The following SHBG variants were observed in gnomAD, a reference collection of about 807,000 sequenced individuals.
SHBG encodes sex hormone binding globulin, also known as sex hormone-binding globulin.
Under a neutral mutation model 41.9 loss-of-function variants are expected in SHBG, and 37 were observed. The ratio of observed to expected loss-of-function variants is 0.88; its 90% confidence interval spans 0.68 to 1.16. The LOEUF is 1.16. Among genes scored for constraint, SHBG ranks in the 50% most tolerant of loss-of-function variants. The pLI is 0.00. For synonymous variants in SHBG, 217 were observed against 205.8 expected (o/e 1.05, Z -0.47); for missense variants, 466 against 499.9 (o/e 0.93, Z 0.65).
rs1240533419 is a variant in SHBG at position 7,630,404 on chromosome 17, T to C, written c.112-12T>C. ...TCCCTACTCAGCTTTGTTTGTTTTC[T>C]CTTTCTGATAGAGTGCCCACGACCC... On this transcript the variant is annotated splice_polypyrimidine_tract_variant and intron_variant, in intron 1 of 7. Coordinates refer to ENST00000380450, the MANE Select transcript of SHBG (RefSeq NM_001040.5). This position sits in a 1 kb window ranked among gnomAD's most constrained non-coding sequence, Gnocchi z 4.6. 1 of 1,613,348 alleles carries C rather than the reference T, an allele frequency of 6.2e-7. No individual in the cohort carries two copies.
upstream of SHBG, among the ~76,000 whole-genome samples, chr17:7,629,091 G>A (rs909037526): frequency 1.3e-5 from 2 of 151,478 alleles, no homozygotes; most frequent in Non-Finnish European, 1.5e-5. Flanking sequence ...CGTCAGGGAG[G>A]GTCGGGCCTT....
chr17:7,632,950 G>C lies in SHBG; in HGVS notation c.1051G>C (p.Ala351Pro), dbSNP rs150060755. 28 of 1,613,062 alleles carry C rather than the reference G, an allele frequency of 1.7e-5. No individual in the cohort carries two copies. In the African/African-American group the frequency reaches 3.3e-4, roughly 19 times the overall value. ...GCCTCAAGGGCGTCTCTTCCTGGGG[G>C]CTTTACCAGGTAAGAGAGAATGATG... The part of the protein sequence containing the change: ...AKPQGRLFLG[A>P]LPGEDSSTSF... The change falls in exon 7 of 8, where the codon GCT (alanine) becomes CCT (proline). Residue 351 changes from alanine to proline, a missense_variant. Ala to Pro is a conservative substitution (Grantham distance 27, BLOSUM62 -1). Coordinates refer to ENST00000380450, the MANE Select transcript of SHBG (RefSeq NM_001040.5).
intron 1 of SHBG, chr17:7,614,371 C>G (rs1313266271): frequency 1.8e-5 from 19 of 1,055,648 alleles, no homozygotes; most frequent in Non-Finnish European, 2.6e-5. Context: ...GCTCCAGAAG[C>G]TCGATCCCGC....
upstream of SHBG, among the ~76,000 whole-genome samples, chr17:7,625,171 A>G (rs1018188997): frequency 6.1e-5 from 9 of 148,352 alleles, no homozygotes; most frequent in Non-Finnish European, 8.9e-5. Context: ...CTGCTCTTGA[A>G]CTCCTGACCT....
At chr17:7,616,048 T>C (rs1194775181) in intron 1 of SHBG, among the ~76,000 whole-genome samples, 2 of 151,846 alleles carry the variant, frequency 1.3e-5, no homozygotes, top group Non-Finnish European at 2.9e-5. Flanking sequence ...AGGCCTGTAA[T>C]CCCAGCACTT....
chr17:7,615,322 T>C (rs932915859), intron 1 of SHBG, among the ~76,000 whole-genome samples: 4 of 152,058 alleles, frequency 2.6e-5, no homozygotes, highest in African/African-American at 7.2e-5. Context: ...TTTGTCTTTC[T>C]TGGTGCGCAC....
At chr17:7,614,387 G>T in intron 1 of SHBG, 1 of 1,184,976 alleles carries the variant, frequency 8.4e-7, no homozygotes, top group Non-Finnish European at 1.2e-6. Context: ...CCCGCCCCAC[G>T]CGTTCCTGCT....
chr17:7,633,291 A>G lies in SHBG; in HGVS notation c.1148A>G (p.His383Arg). The change falls in exon 8 of 8, where the codon CAT becomes CGT. Residue 383 changes from histidine to arginine, a missense_variant. Physicochemically the swap from His to Arg is conservative, Grantham distance 29. Transcript: ENST00000380450. Reference protein sequence around the residue: ...LDVDQALNRSHEIWTHSCPQS... With the variant: ...LDVDQALNRSREIWTHSCPQS... ...GTGGACCAGGCCCTGAACAGAAGCC[A>G]TGAGATCTGGACTCACAGCTGCCCC... 6.2e-7 allele frequency: 1 copy of G among 1,614,180 alleles called. No individual in the cohort carries two copies. Among genetic ancestry groups the G allele is most frequent in the Non-Finnish European group, 8.5e-7 (1 of 1,180,002 alleles).
At chr17:7,631,564 G>C in intron 4 of SHBG, 25 bp from the exon 5 acceptor site, 1 of 1,613,456 alleles carries the variant, frequency 6.2e-7, no homozygotes, top group Non-Finnish European at 8.5e-7. Flanking sequence ...CTACATCCCC[G>C]TATCTTATCT....
chr17:7,630,751 A>G lies in SHBG; in HGVS notation c.275A>G (p.Lys92Arg), dbSNP rs1228947121. 1.2e-6 allele frequency: 2 copies of G among 1,614,132 alleles called. No homozygotes were observed. Among genetic ancestry groups the G allele is most frequent in the South Asian group, 2.2e-5 (2 of 91,082 alleles). Reference sequence around the variant, plus strand: ...ATTTTTTATGGGGATACCAACCCTAAGGATGACTGGTTTATGCTGGGACTT... The same window carrying G: ...ATTTTTTATGGGGATACCAACCCTAGGGATGACTGGTTTATGCTGGGACTT... ...GVIFYGDTNP[K>R]DDWFMLGLRD... Residue 92 changes from lysine to arginine, a missense_variant, in exon 3 of 8, where the codon AAG (lysine) becomes AGG (arginine). Physicochemically the swap from Lys to Arg is conservative, Grantham distance 26 (BLOSUM62 2). Transcript: ENST00000380450. The surrounding 1 kb of genome is among the most constrained non-coding windows in gnomAD (Gnocchi z 4.6).
At position 7,630,407 on chromosome 17, in the gene SHBG, T is replaced by C; in HGVS notation, c.112-9T>C. ...CTACTCAGCTTTGTTTGTTTTCTCT[T>C]TCTGATAGAGTGCCCACGACCCTCC... On this transcript the variant is annotated splice_polypyrimidine_tract_variant and intron_variant, in intron 1 of 7. Transcript: ENST00000380450. This position sits in a 1 kb window ranked among gnomAD's most constrained non-coding sequence, Gnocchi z 4.6. 1 of 1,613,604 alleles carries C rather than the reference T, an allele frequency of 6.2e-7. No individual in the cohort carries two copies. The highest frequency in any genetic ancestry group is 8.5e-7 in the Non-Finnish European group (1 of 1,179,556).
At chr17:7,621,116 A>ACCAGCTGCATAAACTGGTCTC (rs2072087198) in intron 1 of SHBG, among the ~76,000 whole-genome samples, 2 of 141,786 alleles carry the variant, frequency 1.4e-5, no homozygotes, top group African/African-American at 5.3e-5. Context: ...AAAAAAAAAA[A>ACCAGCTGCATAAACTGGTCTC]AAAAAAATCA....
chr17:7,631,255 T>A lies in SHBG; in HGVS notation c.449T>A (p.Val150Glu). ...CTGCTGGAGGTGGATGGGGAGGAGGTGCTGCGCCTGAGACAGGTCTCTGGG... is the reference window on the plus strand; with the variant it reads ...CTGCTGGAGGTGGATGGGGAGGAGGAGCTGCGCCTGAGACAGGTCTCTGGG... ...SVLLEVDGEE[V>E]LRLRQVSGPL... Residue 150 changes from valine to glutamate, a missense_variant, in exon 4 of 8, where the codon GTG becomes GAG. Coordinates refer to ENST00000380450, the MANE Select transcript of SHBG (RefSeq NM_001040.5). 1 of 1,607,442 alleles carries A rather than the reference T, an allele frequency of 6.2e-7. No homozygotes were observed. Among genetic ancestry groups the A allele is most frequent in the Non-Finnish European group, 8.5e-7 (1 of 1,177,104 alleles).
intron 1 of SHBG, among the ~76,000 whole-genome samples, chr17:7,621,731 G>A (rs368865028): frequency 2.1e-3 from 326 of 152,030 alleles, no homozygotes; most frequent in African/African-American, 7.2e-3. Context: ...GGAATTGGGG[G>A]AGAAATTACA....
At chr17:7,627,726 G>A (rs1219548512), upstream of SHBG, 2 of 1,448,538 alleles carry the variant, frequency 1.4e-6, no homozygotes, top group Admixed American at 1.7e-5. This position sits in a 1 kb window ranked among gnomAD's most constrained non-coding sequence, Gnocchi z 4.8. Flanking sequence ...ATCCTGAAGA[G>A]CCTGAGAGAG....
In SHBG at chr17:7,621,460, G is replaced by T. The variant is rs192186090; in HGVS notation, c.-62+7349G>T. Among the ~76,000 whole-genome samples the T allele has an allele frequency of 1.1e-3, 150 of 139,932 alleles. 16 individuals are homozygous for T. Among genetic ancestry groups the T allele is most frequent in the African/African-American group, 3.8e-3 (140 of 37,294 alleles). The allele number at this position is 139,932 out of a possible 152,430, so 91.8% of individuals were successfully genotyped here. ...AAAAAAAAATACAAAAATTAGCTGG[G>T]CGTGGTGGTGCACGCCTGTAATCCC... On this transcript the variant is annotated intron_variant, in intron 1 of 5. Coordinates refer to the SHBG transcript ENST00000570547.
intron 6 of SHBG, 21 bp from the exon 7 acceptor site, chr17:7,632,731 C>A: frequency 6.3e-7 from 1 of 1,593,866 alleles, no homozygotes. Context: ...CTCTACCGTC[C>A]CTTTCCCACA....
chr17:7,624,787 G>A (rs1032195914), upstream of SHBG, among the ~76,000 whole-genome samples: 1 of 151,542 alleles, frequency 6.6e-6, no homozygotes, highest in African/African-American at 2.4e-5. Flanking sequence ...CAGTAGCTGG[G>A]CCTAGAGGAG....
chr17:7,628,510 G>A (rs2072297070), upstream of SHBG, among the ~76,000 whole-genome samples: 1 of 151,858 alleles, frequency 6.6e-6, no homozygotes, highest in African/African-American at 2.4e-5. Flanking sequence ...GCAGTGGCGC[G>A]ATCTCGGCTC....
Sources: gnomAD v4.1 joint callset for allele counts (sites outside exome capture counted in the v4.1 genomes callset) on GRCh38, gnomAD v4.1.1 for gene constraint, Gnocchi (gnomAD v3.1) non-coding constraint, MANE v1.5 for transcripts, NCBI Gene and HGNC (gene_info 2026-07-23, HGNC 2026-07-21) for gene names.